The following CMIP variants were observed in gnomAD, a reference collection of about 807,000 sequenced individuals.
CMIP encodes the protein C-Maf-inducing protein.
Under a neutral mutation model 97.3 loss-of-function variants are expected in CMIP, and 13 were observed. The observed-to-expected ratio is 0.13, with a 90% CI of 0.09 to 0.21. The LOEUF (loss-of-function observed/expected upper bound fraction) is 0.21. Ranked by LOEUF, CMIP falls within the 10% of genes least tolerant of loss-of-function variation. The pLI is 1.00. For missense variants in CMIP, 847 were observed against 1,024.9 expected, an observed-to-expected ratio of 0.83 and a Z score of 2.37; for synonymous variants, 538 against 436.3, an observed-to-expected ratio of 1.23 and a Z score of -2.91.
At chr16:81,677,059 A>T (rs1046183504) in intron 9 of CMIP, among the ~76,000 whole-genome samples, 8 of 152,150 alleles carry the variant, frequency 5.3e-5, no homozygotes, top group Admixed American at 1.3e-4. Context: ...ATTCCTGTCT[A>T]ACTGGGCTTT....
intron 1 of CMIP, among the ~76,000 whole-genome samples, chr16:81,575,550 A>G (rs1478169179): frequency 6.6e-6 from 1 of 152,210 alleles, no homozygotes; most frequent in African/African-American, 2.4e-5. Flanking sequence ...CCATTAGTGC[A>G]GAGTAAACAC....
intron 1 of CMIP, among the ~76,000 whole-genome samples, chr16:81,595,374 T>C (rs2091537835): frequency 1.3e-5 from 2 of 151,926 alleles, no homozygotes; most frequent in South Asian, 4.2e-4. Context: ...TGTAATACTT[T>C]CTTTCCTTCT....
chr16:81,537,958 G>A (rs986758319), intron 1 of CMIP, among the ~76,000 whole-genome samples: 2 of 152,234 alleles, frequency 1.3e-5, no homozygotes, highest in African/African-American at 4.8e-5. Flanking sequence ...AGGCCGAGGC[G>A]GGTGGGAAGA....
intron 3 of CMIP, among the ~76,000 whole-genome samples, chr16:81,648,058 C>T (rs529043490): frequency 6.1e-5 from 9 of 147,916 alleles, no homozygotes; most frequent in African/African-American, 1.3e-4. Context: ...CTGCTTCCAC[C>T]GCCTTCTGGT....
intron 10 of CMIP, among the ~76,000 whole-genome samples, chr16:81,691,206 C>T (rs1271885237): frequency 6.6e-6 from 1 of 152,182 alleles, no homozygotes; most frequent in Admixed American, 6.5e-5. Context: ...ACCCTGAAAT[C>T]AAGGTGTGGG....
intron 7 of CMIP, among the ~76,000 whole-genome samples, chr16:81,667,801 T>A (rs8057253): frequency 0.021 from 1,500 of 72,754 alleles, 9 homozygotes; most frequent in African/African-American, 0.05. Context: ...AGAGAGAGAG[T>A]GTGTGTGTGT....
At chr16:81,642,311 C>A (rs984137204) in intron 3 of CMIP, among the ~76,000 whole-genome samples, 2 of 152,210 alleles carry the variant, frequency 1.3e-5, no homozygotes, top group African/African-American at 4.8e-5. Flanking sequence ...ATTTCCCCCA[C>A]TCCCTGCCCC....
In CMIP at chr16:81,490,577, G is replaced by A. The variant is rs149153184; in HGVS notation, c.300+45036G>A. ...GGAGGTTGCAGTGAGCCGGGATTACGCCATCGCACTCTAGCCTGGGCGACA... is the reference window on the plus strand; with the variant it reads ...GGAGGTTGCAGTGAGCCGGGATTACACCATCGCACTCTAGCCTGGGCGACA... On this transcript the variant is annotated intron_variant, in intron 1 of 20. Coordinates refer to ENST00000537098, the MANE Select transcript of CMIP (RefSeq NM_198390.3). Among the ~76,000 whole-genome samples the A allele has an allele frequency of 4.9e-3, 751 of 152,252 alleles. 5 individuals carry two copies. The highest frequency in any genetic ancestry group is 0.017 in the African/African-American group (725 of 41,544).
intron 3 of CMIP, among the ~76,000 whole-genome samples, chr16:81,638,984 G>A (rs565685353): frequency 1.6e-3 from 245 of 152,286 alleles, no homozygotes; most frequent in African/African-American, 5.6e-3. Flanking sequence ...AGCCCCCGCC[G>A]GGATTAGGAC....
At chr16:81,610,323 G>A (rs895534228) in intron 2 of CMIP, 23 of 985,542 alleles carry the variant, frequency 2.3e-5, no homozygotes, top group South Asian at 1.9e-4. Flanking sequence ...CTGAGGAGCC[G>A]AGCGGGCGGG....
intron 1 of CMIP, among the ~76,000 whole-genome samples, chr16:81,582,302 T>G (rs1267060800): frequency 1.3e-5 from 2 of 151,984 alleles, no homozygotes; most frequent in Non-Finnish European, 2.9e-5. Flanking sequence ...GAACCCCTCC[T>G]TGGAATATTT....
At chr16:81,641,700 C>G (rs536180531) in intron 3 of CMIP, among the ~76,000 whole-genome samples, 54 of 152,354 alleles carry the variant, frequency 3.5e-4, no homozygotes, top group East Asian at 1.9e-4. Context: ...TCCCCTCTTG[C>G]AAACAAATTG....
At chr16:81,597,680 T>TG (rs1384498265) in intron 1 of CMIP, among the ~76,000 whole-genome samples, 1 of 151,956 alleles carries the variant, frequency 6.6e-6, no homozygotes, top group East Asian at 1.9e-4. Context: ...ACCAACTCCG[T>TG]GGGGCTCCAG....
rs542359811 is a variant in CMIP at position 81,484,829 on chromosome 16, CT to C, written c.300+39290del. 1.6e-3 allele frequency among the ~76,000 whole-genome samples: 250 copies of C among 152,236 alleles called. 1 individual carries two copies. The highest frequency in any genetic ancestry group is 5.7e-3 in the African/African-American group (237 of 41,534). On this transcript the variant is annotated intron_variant, in intron 1 of 20. Transcript: ENST00000537098. ...CCCGGGTGTCCTCATTCATTTAACT[CT>C]TGGCTTCCTTATTCCTCTGTCCTTA...
chr16:81,591,813 T>C (rs958475523), intron 1 of CMIP, among the ~76,000 whole-genome samples: 2 of 146,876 alleles, frequency 1.4e-5, no homozygotes, highest in Non-Finnish European at 3.0e-5. Flanking sequence ...TTACTGGTTT[T>C]CTTTCTTTCT....
intron 18 of CMIP, 78 bp from the exon 19 acceptor site, chr16:81,705,421 C>A: frequency 9.4e-7 from 1 of 1,058,440 alleles, no homozygotes; most frequent in Non-Finnish European, 1.4e-6. Flanking sequence ...CCATCCCTTT[C>A]CTCCACCTCT....
intron 1 of CMIP, 52 bp from the exon 2 acceptor site, chr16:81,607,515 T>C (rs1376840544): frequency 6.3e-7 from 1 of 1,598,610 alleles, no homozygotes; most frequent in Non-Finnish European, 8.5e-7. Context: ...GCGGACGTCA[T>C]GCCTGCTACT....
At chr16:81,526,341 C>T (rs987454221) in intron 1 of CMIP, among the ~76,000 whole-genome samples, 2 of 152,212 alleles carry the variant, frequency 1.3e-5, no homozygotes, top group African/African-American at 4.8e-5. Flanking sequence ...GCATTTGTTT[C>T]CATGACGGCT....
chr16:81,642,929 C>G lies in CMIP; in HGVS notation c.478-9274C>G, dbSNP rs80251154. ...AAGAAAGAAAGAAATTGCAGCGTAT[C>G]CATGCAGTGGACTGTTAGTCATGGA... On this transcript the variant is annotated intron_variant, in intron 3 of 20. Coordinates refer to ENST00000537098, the MANE Select transcript of CMIP (RefSeq NM_198390.3). Among the ~76,000 whole-genome samples, 6 of 152,242 alleles carry G rather than the reference C, an allele frequency of 3.9e-5. No homozygotes were observed. In the East Asian group the frequency reaches 1.2e-3, roughly 29 times the overall value.
Sources: allele counts gnomAD v4.1 joint callset (sites outside exome capture counted in the v4.1 genomes callset), GRCh38; gene constraint gnomAD v4.1.1; transcripts MANE v1.5; gene names NCBI Gene and HGNC (gene_info 2026-07-23, HGNC 2026-07-21).